VWA3A: variants seen among roughly 807,000 people sequenced by gnomAD.
VWA3A encodes the protein von Willebrand factor A domain-containing protein 3A.
In VWA3A, 134 loss-of-function variants were observed where a neutral mutation model predicts 160.4. The observed-to-expected ratio is 0.84, with a 90% CI of 0.73 to 0.96. The LOEUF is 0.96. Ranked by LOEUF, VWA3A falls within the 40% of genes least tolerant of loss-of-function variation. VWA3A has a pLI of 0.00. For missense variants in VWA3A, 1,310 were observed against 1,447.9 expected (o/e 0.90, Z 1.55); for synonymous variants, 476 against 543.4 (o/e 0.88, Z 1.72).
intron 12 of VWA3A, among the ~76,000 whole-genome samples, chr16:22,119,739 C>G (rs1443910897): frequency 6.6e-6 from 1 of 152,074 alleles, no homozygotes; most frequent in Non-Finnish European, 1.5e-5. Context: ...AGTTCTTGGC[C>G]AGGTGTGATG....
At chr16:22,130,042 G>A (rs1161382176) in intron 17 of VWA3A, among the ~76,000 whole-genome samples, 2 of 152,132 alleles carry the variant, frequency 1.3e-5, no homozygotes, top group Non-Finnish European at 2.9e-5. Flanking sequence ...ACAAAAATCA[G>A]TGGGTCTCAG....
intron 26 of VWA3A, among the ~76,000 whole-genome samples, chr16:22,145,630 G>T (rs1015569561): frequency 6.9e-6 from 1 of 145,906 alleles, no homozygotes; most frequent in Non-Finnish European, 1.5e-5. Context: ...AACCGACTGA[G>T]ACTCTGTCTC....
At chr16:22,106,017 T>C (rs945834271) in intron 6 of VWA3A, among the ~76,000 whole-genome samples, 1 of 152,146 alleles carries the variant, frequency 6.6e-6, no homozygotes, top group African/African-American at 2.4e-5. Context: ...AGGTCCTGCC[T>C]TCATGGAGCT....
At position 22,133,056 on chromosome 16, in the gene VWA3A, C is replaced by T. The variant is rs371670962; in HGVS notation, c.2029C>T (p.Arg677Trp). ...AGCCGCCGCCTACAAGGAGGTCACC[C>T]GGGCTGCAGGTGGCCGCTTCCACTG... ...DTAAAYKEVTRAAGGRFHWFG... is the reference protein window; with the variant it reads ...DTAAAYKEVTWAAGGRFHWFG... The change falls in exon 20 of 34, where the codon CGG becomes TGG. Residue 677 changes from arginine to tryptophan, a missense_variant. Physicochemically the swap from Arg to Trp is moderately radical, Grantham distance 101 (BLOSUM62 -3). Coordinates refer to ENST00000389398, the MANE Select transcript of VWA3A (RefSeq NM_173615.5). 2.7e-5 allele frequency: 43 copies of T among 1,613,574 alleles called. No individual in the cohort carries two copies. The highest frequency in any genetic ancestry group is 3.0e-5 in the Non-Finnish European group (35 of 1,179,784).
Position 22,132,815 on chromosome 16 carries a change from A to G in VWA3A, c.1873-85A>G, listed in dbSNP as rs1026920853. 3.1e-5 allele frequency: 42 copies of G among 1,364,812 alleles called. No homozygotes were observed. The Admixed American group carries it at 8.1e-4, about 26-fold the overall frequency. 84.5% of individuals were successfully genotyped at this position (1,364,812 alleles called of 1,614,324 possible). On this transcript the variant is annotated intron_variant, in intron 19 of 33. Coordinates refer to ENST00000389398, the MANE Select transcript of VWA3A (RefSeq NM_173615.5). ...ACCAGGCACAGAGAAGGCCCTGGAG[A>G]AACATGGCCAGGCTGGGCTGCCCAG... is the stretch of plus-strand genomic sequence containing the variant.
At chr16:22,120,767 T>A (rs1439206591) in intron 12 of VWA3A, among the ~76,000 whole-genome samples, 3 of 152,048 alleles carry the variant, frequency 2.0e-5, no homozygotes, top group African/African-American at 7.2e-5. Context: ...AGTTGCTGGG[T>A]ACTCCTTCCT....
chr16:22,137,239 A>G (rs1301776640), intron 21 of VWA3A, among the ~76,000 whole-genome samples: 1 of 152,156 alleles, frequency 6.6e-6, no homozygotes. Flanking sequence ...TTACATTTGA[A>G]TGGTGTCTTC....
chr16:22,123,384 G>T, intron 15 of VWA3A: 1 of 1,448,196 alleles, frequency 6.9e-7, no homozygotes, highest in Non-Finnish European at 9.4e-7. Context: ...ATCCTCTGGG[G>T]AAAGATCTGC....
chr16:22,113,747 T>C (rs1416542088), intron 8 of VWA3A, among the ~76,000 whole-genome samples: 1 of 151,826 alleles, frequency 6.6e-6, no homozygotes, highest in Non-Finnish European at 1.5e-5. Context: ...TACAAGGGTG[T>C]GCCCAGCTGA....
At position 22,115,917 on chromosome 16, in the gene VWA3A, GGAAGGAAA is replaced by G. The variant is rs1164593758; in HGVS notation, c.815+447_815+454del. ...AGGAAGGAAGGAAGGAAGGAAGGAA[GGAAGGAAA>G]GGAAAGGAAAGGAAGGGAGGAGGGG... On this transcript the variant is annotated intron_variant, in intron 9 of 33. Transcript: ENST00000389398. 1.8e-3 allele frequency among the ~76,000 whole-genome samples: 61 copies of G among 33,116 alleles called. 4 individuals are homozygous for G. Among genetic ancestry groups the G allele is most frequent in the African/African-American group, 3.3e-3 (5 of 1,522 alleles). The allele number at this position is 33,116 out of a possible 152,430, so 21.7% of individuals were successfully genotyped here.
chr16:22,148,155 G>C lies in VWA3A; in HGVS notation c.2840-7G>C. 3.1e-6 allele frequency: 5 copies of C among 1,594,344 alleles called. No homozygotes were observed. The highest frequency in any genetic ancestry group is 4.3e-6 in the Non-Finnish European group (5 of 1,170,506). ...TCCCTGCCTCTTCCCCACCTGTCTC[G>C]GAGCAGGGAGCCGCCGACTGTTTGG... On this transcript the variant is annotated splice_polypyrimidine_tract_variant and splice_region_variant and intron_variant, in intron 27 of 33. Transcript: ENST00000389398.
At chr16:22,142,577 C>G in intron 24 of VWA3A, 91 bp from the exon 25 acceptor site, 1 of 949,006 alleles carries the variant, frequency 1.1e-6, no homozygotes, top group Non-Finnish European at 1.6e-6. Context: ...CCCATTAAGC[C>G]CCATCTCCAA....
Position 22,141,690 on chromosome 16 carries a change from TG to T in VWA3A, c.2494+1del. The T allele has an allele frequency of 6.2e-7, 1 of 1,606,494 alleles. No individual in the cohort carries two copies. The highest frequency in any genetic ancestry group is 8.5e-7 in the Non-Finnish European group (1 of 1,176,576). On this transcript the variant is annotated frameshift_variant and splice_region_variant, in exon 24 of 34. Transcript: ENST00000389398. LOFTEE classifies it high-confidence loss of function. ...LLFYTEKGND[V>X]GSVYKKYPQG... Reference sequence around the variant, plus strand: ...TTCTACACAGAGAAAGGGAATGACGTGGGTAAGTTAGAGGCTATACAGGTGT... The same window carrying T: ...TTCTACACAGAGAAAGGGAATGACGTGGTAAGTTAGAGGCTATACAGGTGT...
chr16:22,133,649 CA>C lies in VWA3A; in HGVS notation c.2068+573del, dbSNP rs1230000179. On this transcript the variant is annotated intron_variant, in intron 20 of 33. Transcript: ENST00000389398. ...TGGGTGACAGAGCAAAACTCTGTCTCAAAAAAAAAAAAAAAAAAAGAAGAAG... is the reference window on the plus strand; with the variant it reads ...TGGGTGACAGAGCAAAACTCTGTCTCAAAAAAAAAAAAAAAAAAGAAGAAG... Among the ~76,000 whole-genome samples, 645 of 82,066 alleles carry C rather than the reference CA, an allele frequency of 7.9e-3. 4 individuals are homozygous for C. Among genetic ancestry groups the C allele is most frequent in the Non-Finnish European group, 0.011 (432 of 38,560 alleles). 53.8% of individuals were successfully genotyped at this position (82,066 alleles called of 152,430 possible).
chr16:22,148,932 G>C (rs2046301645), intron 28 of VWA3A, among the ~76,000 whole-genome samples: 1 of 152,162 alleles, frequency 6.6e-6, no homozygotes, highest in African/African-American at 2.4e-5. Context: ...TTGTGAACTT[G>C]ATTTTTGAGT....
At chr16:22,150,427 G>C (rs1203914986) in intron 29 of VWA3A, among the ~76,000 whole-genome samples, 2 of 152,168 alleles carry the variant, frequency 1.3e-5, no homozygotes, top group Non-Finnish European at 2.9e-5. Flanking sequence ...AAAAAAAATA[G>C]ATGAAGACAC....
intron 10 of VWA3A, 60 bp downstream of exon 10, chr16:22,116,927 C>G (rs918368357): frequency 3.5e-5 from 53 of 1,524,860 alleles, no homozygotes; most frequent in Non-Finnish European, 4.5e-5. Context: ...GCTGGGCTGG[C>G]CTTTGAGGCC....
At chr16:22,136,895 G>GCACA (rs113954328) in intron 21 of VWA3A, among the ~76,000 whole-genome samples, 1,733 of 142,640 alleles carry the variant, frequency 0.012, 21 homozygotes, top group African/African-American at 0.021. Flanking sequence ...ACACACACAC[G>GCACA]CACACACACA....
intron 1 of VWA3A, among the ~76,000 whole-genome samples, chr16:22,095,750 T>C (rs1291984234): frequency 6.6e-6 from 1 of 151,876 alleles, no homozygotes; most frequent in African/African-American, 2.4e-5. Flanking sequence ...TTTATAGAGA[T>C]GGGGTCTCGC....
Sources: gnomAD v4.1 joint callset for allele counts (sites outside exome capture counted in the v4.1 genomes callset) on GRCh38, gnomAD v4.1.1 for gene constraint, MANE v1.5 for transcripts, NCBI Gene and HGNC (gene_info 2026-07-23, HGNC 2026-07-21) for gene names.